Variants in KCNT2 observed in about 807,000 individuals in gnomAD.
The protein encoded by KCNT2 is potassium channel subfamily T member 2.
In KCNT2, 67 loss-of-function variants were observed where a neutral mutation model predicts 153.8. The observed-to-expected ratio is 0.44, with a 90% CI of 0.36 to 0.53. The LOEUF is 0.53. KCNT2 is among the 20% of genes least tolerant of loss of function. The probability of loss-of-function intolerance (pLI) is 0.00; values close to 1 mark genes in which losing one functional copy is unlikely to be tolerated. For synonymous variants in KCNT2, 500 were observed against 458.8 expected, an observed-to-expected ratio of 1.09 and a Z score of -1.15; for missense variants, 975 against 1,354.8, an observed-to-expected ratio of 0.72 and a Z score of 4.40.
In KCNT2 at chr1:196,422,436, TA is replaced by T. The variant is rs537912114; in HGVS notation, c.1185+613del. 3.4e-4 allele frequency among the ~76,000 whole-genome samples: 51 copies of T among 151,930 alleles called. 1 individual carries two copies. In the East Asian group the frequency reaches 8.7e-3, roughly 26 times the overall value. ...ACTGAACATAAAATAATGAAGCACT[TA>T]AAAAAATTATAAAATAAAAAATTTT... On this transcript the variant is annotated intron_variant, in intron 12 of 27. Transcript: ENST00000294725.
intron 1 of KCNT2, among the ~76,000 whole-genome samples, chr1:196,572,953 T>A (rs1310897502): frequency 6.6e-6 from 1 of 152,078 alleles, no homozygotes; most frequent in Non-Finnish European, 1.5e-5. Context: ...CTCTAGTGTC[T>A]CAGGTTTAAA....
chr1:196,578,612 A>G (rs371521587), intron 1 of KCNT2, among the ~76,000 whole-genome samples: 1 of 152,170 alleles, frequency 6.6e-6, no homozygotes, highest in Non-Finnish European at 1.5e-5. Context: ...CACACATTGC[A>G]ACTTAACGTA....
intron 14 of KCNT2, among the ~76,000 whole-genome samples, chr1:196,350,155 C>T (rs1456279089): frequency 1.3e-5 from 2 of 151,978 alleles, no homozygotes; most frequent in African/African-American, 2.4e-5. Flanking sequence ...TGAATAGAGC[C>T]GCAATAAACA....
At chr1:196,286,401 C>T (rs1010598431) in intron 22 of KCNT2, among the ~76,000 whole-genome samples, 11 of 152,060 alleles carry the variant, frequency 7.2e-5, no homozygotes, top group African/African-American at 2.7e-4. Context: ...CTCCCAGCAC[C>T]TTGAATGTGG....
chr1:196,226,115 G>T lies in KCNT2; in HGVS notation c.*2109C>A, dbSNP rs1288283297. On this transcript the variant is annotated 3_prime_UTR_variant, in exon 28 of 28. Transcript: ENST00000294725. Reference sequence around the variant, plus strand: ...TAAAATTTATGAAACAAAATTTTTAGTTATATAGGAAATATAATCATATCC... The same window carrying T: ...TAAAATTTATGAAACAAAATTTTTATTTATATAGGAAATATAATCATATCC... 1 of 151,862 alleles carries T rather than the reference G, an allele frequency of 6.6e-6. No homozygotes were observed. Among genetic ancestry groups the T allele is most frequent in the Non-Finnish European group, 1.5e-5 (1 of 67,856 alleles). The allele number at this position is 151,862 out of a possible 1,614,324, so 9.4% of individuals were successfully genotyped here.
chr1:196,354,860 G>A (rs1667042554), intron 14 of KCNT2, among the ~76,000 whole-genome samples: 1 of 151,510 alleles, frequency 6.6e-6, no homozygotes, highest in African/African-American at 2.4e-5. Flanking sequence ...TTGCACTCAT[G>A]AATTACATTA....
intron 8 of KCNT2, among the ~76,000 whole-genome samples, chr1:196,435,493 T>C (rs1221023534): frequency 6.6e-6 from 1 of 151,624 alleles, no homozygotes; most frequent in African/African-American, 2.4e-5. Context: ...ACTTGTCTTT[T>C]ATAAAACAGA....
intron 13 of KCNT2, among the ~76,000 whole-genome samples, chr1:196,386,224 C>T (rs1373019751): frequency 1.3e-5 from 2 of 152,136 alleles, no homozygotes; most frequent in Non-Finnish European, 2.9e-5. Flanking sequence ...TATTTGATAA[C>T]TGCAACTACA....
chr1:196,322,150 TCTGA>T (rs1460409321), intron 19 of KCNT2, among the ~76,000 whole-genome samples: 1 of 151,900 alleles, frequency 6.6e-6, no homozygotes, highest in East Asian at 1.9e-4. Flanking sequence ...TTTTAAAAAA[TCTGA>T]CTGCTAAACA....
chr1:196,237,610 G>T (rs1170759823), intron 26 of KCNT2, among the ~76,000 whole-genome samples: 1 of 151,764 alleles, frequency 6.6e-6, no homozygotes, highest in Non-Finnish European at 1.5e-5. Context: ...TGTCACTCAG[G>T]CTGGAGTACA....
intron 1 of KCNT2, among the ~76,000 whole-genome samples, chr1:196,593,352 G>T (rs1181656552): frequency 7.0e-6 from 1 of 142,626 alleles, no homozygotes. Context: ...ATATATATGT[G>T]TATATATGTA....
At chr1:196,515,934 C>G (rs1682014125) in intron 1 of KCNT2, among the ~76,000 whole-genome samples, 1 of 152,118 alleles carries the variant, frequency 6.6e-6, no homozygotes, top group Non-Finnish European at 1.5e-5. Flanking sequence ...ATCAGGAGAT[C>G]CCCTGGTGAA....
At chr1:196,569,191 T>A (rs889020246) in intron 1 of KCNT2, among the ~76,000 whole-genome samples, 2 of 152,324 alleles carry the variant, frequency 1.3e-5, no homozygotes, top group African/African-American at 2.4e-5. Context: ...TTATATTTTT[T>A]AATTTATTTC....
intron 10 of KCNT2, 143 bp from the exon 11 acceptor site, chr1:196,426,131 T>C: frequency 1.6e-6 from 1 of 619,276 alleles, no homozygotes; most frequent in East Asian, 2.8e-5. Flanking sequence ...ATTTAAAACC[T>C]GGACATATAT....
At chr1:196,306,352 G>A (rs1661634653) in intron 21 of KCNT2, among the ~76,000 whole-genome samples, 1 of 152,040 alleles carries the variant, frequency 6.6e-6, no homozygotes, top group Non-Finnish European at 1.5e-5. Context: ...AGCTCCTTCT[G>A]CTCTCAATTT....
rs761404594 is a variant in KCNT2 at position 196,340,543 on chromosome 1, C to T, written c.1581G>A (p.Arg527=). The T allele has an allele frequency of 1.3e-6, 2 of 1,589,388 alleles. No homozygotes were observed. Among genetic ancestry groups the T allele is most frequent in the Non-Finnish European group, 1.7e-6 (2 of 1,169,462 alleles). ...GCAAAATGTTTTTATTATCCTCCCT[C>T]CTAACACCAATCAAGCAGACGCCAA... is the stretch of plus-strand genomic sequence containing the variant. The part of the protein sequence containing the change: ...KKFGVCLIGV[R]REDNKNILLN... The change falls in exon 16 of 28, where the codon AGG becomes AGA. Residue 527 remains arginine (R), a synonymous_variant. Transcript: ENST00000294725.
chr1:196,275,238 G>C (rs1260211448), intron 25 of KCNT2, among the ~76,000 whole-genome samples: 1 of 151,794 alleles, frequency 6.6e-6, no homozygotes, highest in East Asian at 1.9e-4. Flanking sequence ...GTTCGAACCA[G>C]GAGTATCTGA....
intron 13 of KCNT2, among the ~76,000 whole-genome samples, chr1:196,385,561 G>A (rs1669900851): frequency 6.6e-6 from 1 of 151,620 alleles, no homozygotes; most frequent in Non-Finnish European, 1.5e-5. Context: ...CAGAAAATAA[G>A]GGCACAGGGA....
intron 16 of KCNT2, among the ~76,000 whole-genome samples, chr1:196,339,518 CACAGAGAGAGAG>C (rs1665387075): frequency 2.0e-5 from 2 of 100,272 alleles, no homozygotes; most frequent in African/African-American, 6.4e-5. Flanking sequence ...CACACACACA[CACAGAGAGAGAG>C]AGAGAGAGAG....
Sources: gnomAD v4.1 joint callset for allele counts (sites outside exome capture counted in the v4.1 genomes callset) on GRCh38, gnomAD v4.1.1 for gene constraint, MANE v1.5 for transcripts, NCBI Gene and HGNC (gene_info 2026-07-23, HGNC 2026-07-21) for gene names.